The following PCDHA4 variants were observed in gnomAD, a reference collection of about 807,000 sequenced individuals.
The protein encoded by PCDHA4 is protocadherin alpha-4.
In PCDHA4, 49 loss-of-function variants were observed where a neutral mutation model predicts 61.4. The observed-to-expected ratio is 0.80, with a 90% confidence interval of 0.63 to 1.01. The LOEUF (loss-of-function observed/expected upper bound fraction) is 1.01. Among genes scored for constraint, PCDHA4 ranks in the 50% least tolerant of loss-of-function variants. The pLI is 0.00. For synonymous variants in PCDHA4, 590 were observed against 550.3 expected (o/e 1.07, Z -1.01); for missense variants, 1,254 against 1,235.8 (o/e 1.01, Z -0.22).
intron 1 of PCDHA4, among the ~76,000 whole-genome samples, chr5:140,962,106 C>T (rs1156902232): frequency 4.6e-5 from 7 of 152,130 alleles, no homozygotes; most frequent in Non-Finnish European, 7.4e-5. Context: ...AGGATGGTCT[C>T]GATCTCCTAA....
intron 1 of PCDHA4, chr5:140,866,111 C>T (rs2049154536): frequency 6.6e-6 from 1 of 151,970 alleles, no homozygotes; most frequent in South Asian, 2.1e-4. Flanking sequence ...TTAAGAGTTG[C>T]CTTATAAGAA....
chr5:140,859,119 T>C (rs1275680120), intron 1 of PCDHA4: 2 of 150,176 alleles, frequency 1.3e-5, no homozygotes, highest in African/African-American at 4.9e-5. Context: ...AAAATGTATG[T>C]TTCTTTTATT....
At position 140,823,839 on chromosome 5, in the gene PCDHA4, C is replaced by T; in HGVS notation, c.2385+14267C>T. The T allele has an allele frequency of 1.9e-6, 3 of 1,613,784 alleles. No individual in the cohort carries two copies. In the South Asian group the frequency reaches 3.3e-5, roughly 18 times the overall value. On this transcript the variant is annotated intron_variant, in intron 1 of 3. Coordinates refer to ENST00000530339, the MANE Select transcript of PCDHA4 (RefSeq NM_018907.4). ...GGGCGTCGGCGGGCGCTGTGGGTCC[C>T]GAGGCTGCCCTGGTGGATGTCAACG...
chr5:140,849,102 G>A, intron 1 of PCDHA4: 1 of 1,468,874 alleles, frequency 6.8e-7, no homozygotes, highest in Non-Finnish European at 9.2e-7. Context: ...TTTAGACAGA[G>A]AAGAAACTCC....
chr5:140,987,293 T>C (rs2097246211), intron 3 of PCDHA4, among the ~76,000 whole-genome samples: 1 of 152,134 alleles, frequency 6.6e-6, no homozygotes, highest in African/African-American at 2.4e-5. Context: ...TAACAAGCCT[T>C]CTATGTGATA....
At chr5:140,960,823 G>A (rs370898808) in intron 1 of PCDHA4, among the ~76,000 whole-genome samples, 2 of 152,012 alleles carry the variant, frequency 1.3e-5, no homozygotes, top group East Asian at 3.9e-4. Context: ...AGTGATGAAT[G>A]GAAACTTGGA....
intron 3 of PCDHA4, among the ~76,000 whole-genome samples, chr5:141,007,174 G>A (rs926344346): frequency 6.6e-6 from 1 of 152,118 alleles, no homozygotes; most frequent in African/African-American, 2.4e-5. Context: ...AGAGAGAAAG[G>A]TCAGGAGAAT....
rs2150160654 is a variant in PCDHA4, at chr5:140,828,910, G to C, written c.2385+19338G>C. 5.1e-4 allele frequency: 824 copies of C among 1,613,504 alleles called. 1 individual carries two copies. Among genetic ancestry groups the C allele is most frequent in the East Asian group, 3.0e-3 (136 of 44,886 alleles). On this transcript the variant is annotated intron_variant, in intron 1 of 3. Coordinates refer to ENST00000530339, the MANE Select transcript of PCDHA4 (RefSeq NM_018907.4). ...ATGCTTCTGATCGGGATGAAGGAGC[G>C]AATGGGGCAATTTCATATTCTTTTA... is the stretch of plus-strand genomic sequence containing the variant.
chr5:140,845,159 A>G (rs1332368561), intron 1 of PCDHA4, among the ~76,000 whole-genome samples: 4 of 149,530 alleles, frequency 2.7e-5, no homozygotes, highest in Non-Finnish European at 1.5e-5. Context: ...TGTAAAAGCG[A>G]ATTGTTTTCA....
At chr5:140,876,360 T>C in intron 1 of PCDHA4, 1 of 1,613,962 alleles carries the variant, frequency 6.2e-7, no homozygotes, top group Non-Finnish European at 8.5e-7. Context: ...TTTCAATAAA[T>C]CCAGACACAG....
At position 140,807,789 on chromosome 5, in the gene PCDHA4, A is replaced by T; in HGVS notation, c.602A>T (p.Asp201Val). The change falls in exon 1 of 4, where the codon GAC becomes GTC. Residue 201 changes from aspartate to valine, a missense_variant. Asp to Val is a radical substitution (Grantham distance 152). Coordinates refer to ENST00000530339, the MANE Select transcript of PCDHA4 (RefSeq NM_018907.4). ...GGGCTTATATTACGGAAATCTTTAGACAGAGAAGAAGCTCCGGAGATTTTT... is the reference window on the plus strand; with the variant it reads ...GGGCTTATATTACGGAAATCTTTAGTCAGAGAAGAAGCTCCGGAGATTTTT... The part of the protein sequence containing the change: ...GLGLILRKSL[D>V]REEAPEIFLV... 6.2e-7 allele frequency: 1 copy of T among 1,614,162 alleles called. No individual in the cohort carries two copies. Among genetic ancestry groups the T allele is most frequent in the Non-Finnish European group, 8.5e-7 (1 of 1,180,050 alleles).
Position 140,808,305 on chromosome 5 carries a change from G to A in PCDHA4, c.1118G>A (p.Ser373Asn). 1 of 1,614,250 alleles carries A rather than the reference G, an allele frequency of 6.2e-7. No homozygotes were observed. The highest frequency in any genetic ancestry group is 8.5e-7 in the Non-Finnish European group (1 of 1,180,040). The change falls in exon 1 of 4, where the codon AGC becomes AAC. Residue 373 changes from serine to asparagine, a missense_variant. Ser to Asn is a conservative substitution (Grantham distance 46). Transcript: ENST00000530339. ...APLGTVIALISVSDKDMGVNG... is the reference protein window; with the variant it reads ...APLGTVIALINVSDKDMGVNG... ...CTGGGTACAGTCATCGCCCTGATCA[G>A]CGTGTCCGACAAAGACATGGGTGTC...
At chr5:140,966,753 C>T in intron 1 of PCDHA4, 1 of 1,433,176 alleles carries the variant, frequency 7.0e-7, no homozygotes, top group South Asian at 1.5e-5. Context: ...CTGCCTCCGC[C>T]GCGGCCAGTG....
chr5:140,834,296 A>T, intron 1 of PCDHA4: 2 of 1,241,708 alleles, frequency 1.6e-6, no homozygotes, highest in South Asian at 1.5e-5. Flanking sequence ...CAATGGCCAC[A>T]CATCGAGATT....
Position 140,850,196 on chromosome 5 carries a change from A to C in PCDHA4, c.2385+40624A>C, listed in dbSNP as rs1367952118. 5 of 1,592,830 alleles carry C rather than the reference A, an allele frequency of 3.1e-6. No homozygotes were observed. The Admixed American group carries it at 8.4e-5, about 27-fold the overall frequency. On this transcript the variant is annotated intron_variant, in intron 1 of 3. Transcript: ENST00000530339. ...ACGACAATGCGCCGGCGCTGCTGAC[A>C]CCTCGGATGAGGGGCACTGACGGCG...
chr5:140,994,483 G>A (rs1356969213), intron 3 of PCDHA4, among the ~76,000 whole-genome samples: 1 of 152,062 alleles, frequency 6.6e-6, no homozygotes, highest in East Asian at 1.9e-4. Context: ...CGGGTGGATT[G>A]CCTGAACCCA....
In PCDHA4 at chr5:140,891,823, C is replaced by T. The variant is rs186209593; in HGVS notation, c.2385+82251C>T. On this transcript the variant is annotated intron_variant, in intron 1 of 3. Transcript: ENST00000530339. ...TGCCCTCATGAATAAATTAACGGCACTGTAAAAGGACTTGATGGAAGGAGC... is the reference window on the plus strand; with the variant it reads ...TGCCCTCATGAATAAATTAACGGCATTGTAAAAGGACTTGATGGAAGGAGC... Among the ~76,000 whole-genome samples, 1,217 of 152,254 alleles carry T rather than the reference C, an allele frequency of 8.0e-3. 6 individuals carry two copies. The highest frequency in any genetic ancestry group is 0.019 in the African/African-American group (784 of 41,536).
intron 1 of PCDHA4, among the ~76,000 whole-genome samples, chr5:140,978,653 G>T (rs527551897): frequency 6.6e-6 from 1 of 152,196 alleles, no homozygotes; most frequent in Non-Finnish European, 1.5e-5. Flanking sequence ...TGTTCTTCCC[G>T]TAGTGTTTTA....
chr5:140,884,092 G>A (rs1443036011), intron 1 of PCDHA4: 17 of 1,613,438 alleles, frequency 1.1e-5, no homozygotes, highest in Non-Finnish European at 1.4e-5. Flanking sequence ...CGTGGCTTTC[G>A]TATGAATTGC....
Sources: allele counts gnomAD v4.1 joint callset (sites outside exome capture counted in the v4.1 genomes callset), GRCh38; gene constraint gnomAD v4.1.1; transcripts MANE v1.5; gene names NCBI Gene and HGNC (gene_info 2026-07-23, HGNC 2026-07-21).